The following TRAPPC9 variants were observed in gnomAD, a reference collection of about 807,000 sequenced individuals.
TRAPPC9 encodes trafficking protein particle complex subunit 9.
TRAPPC9 carries 83 observed loss-of-function variants against 124.0 expected under a neutral mutation model. The observed-to-expected ratio is 0.67, with a 90% CI of 0.56 to 0.80. The LOEUF (loss-of-function observed/expected upper bound fraction) is 0.80, where lower values mean the gene tolerates loss of function less well. TRAPPC9 is among the 30% of genes least tolerant of loss of function. The pLI, the probability that TRAPPC9 is intolerant of heterozygous loss-of-function variation, is 0.00. For synonymous variants in TRAPPC9, 638 were observed against 617.5 expected (o/e 1.03, Z -0.49); for missense variants, 1,302 against 1,508.3 (o/e 0.86, Z 2.27).
At chr8:140,335,331 G>A (rs983575994) in intron 9 of TRAPPC9, among the ~76,000 whole-genome samples, 15 of 152,136 alleles carry the variant, frequency 9.9e-5, no homozygotes, top group Admixed American at 5.9e-4. Context: ...TCATGACCAC[G>A]ATGGGAAGAG....
chr8:139,833,182 C>G (rs1391006336), intron 21 of TRAPPC9, among the ~76,000 whole-genome samples: 7 of 152,182 alleles, frequency 4.6e-5, no homozygotes, highest in Admixed American at 4.6e-4. Flanking sequence ...AGATTTTTCT[C>G]CATTCCCTGA....
chr8:140,094,282 C>T (rs1177017818), intron 17 of TRAPPC9, among the ~76,000 whole-genome samples: 2 of 152,220 alleles, frequency 1.3e-5, no homozygotes, highest in Non-Finnish European at 2.9e-5. Flanking sequence ...CCCAGGAGTA[C>T]AAAAGGGTGG....
intron 17 of TRAPPC9, among the ~76,000 whole-genome samples, chr8:140,090,616 T>C (rs1844503483): frequency 6.6e-6 from 1 of 152,190 alleles, no homozygotes; most frequent in Non-Finnish European, 1.5e-5. Flanking sequence ...TGCGTAGAGG[T>C]CCGGGCCAGG....
At chr8:140,453,696 T>C (rs1194172973) in intron 1 of TRAPPC9, among the ~76,000 whole-genome samples, 1 of 152,222 alleles carries the variant, frequency 6.6e-6, no homozygotes. Context: ...CTGACTCCAG[T>C]GCTCACGCTC....
At chr8:140,115,112 C>T (rs1053290748) in intron 17 of TRAPPC9, among the ~76,000 whole-genome samples, 5 of 152,224 alleles carry the variant, frequency 3.3e-5, no homozygotes, top group African/African-American at 1.2e-4. Flanking sequence ...GCTCCAGGAA[C>T]CCCACAGACA....
chr8:139,784,640 T>TATATATATATATATATATAC, intron 21 of TRAPPC9, among the ~76,000 whole-genome samples: 1 of 129,742 alleles, frequency 7.7e-6, no homozygotes, highest in South Asian at 2.5e-4. Context: ...TATATATATA[T>TATATATATATATATATATAC]ATATAAATCA....
At chr8:140,400,007 G>C (rs775814079) in intron 6 of TRAPPC9, among the ~76,000 whole-genome samples, 18 of 152,170 alleles carry the variant, frequency 1.2e-4, no homozygotes, top group Non-Finnish European at 2.2e-4. Flanking sequence ...TTTTTATCAG[G>C]AGCTTCCGCT....
At chr8:140,078,638 A>C (rs1179243430) in intron 17 of TRAPPC9, among the ~76,000 whole-genome samples, 1 of 152,162 alleles carries the variant, frequency 6.6e-6, no homozygotes, top group Non-Finnish European at 1.5e-5. Flanking sequence ...TGATAGAGGA[A>C]CTGCACCCAC....
intron 21 of TRAPPC9, among the ~76,000 whole-genome samples, chr8:139,755,044 G>A (rs1378612981): frequency 6.6e-6 from 1 of 152,254 alleles, no homozygotes; most frequent in Non-Finnish European, 1.5e-5. Context: ...CAACAGGACA[G>A]GGGTGATGAG....
chr8:140,369,123 G>C (rs576703562), intron 8 of TRAPPC9, among the ~76,000 whole-genome samples: 1 of 152,280 alleles, frequency 6.6e-6, no homozygotes, highest in Admixed American at 6.5e-5. Context: ...GAGAACATTT[G>C]CTGACCCCTG....
intron 10 of TRAPPC9, 47 bp downstream of exon 10, chr8:140,311,201 T>C: frequency 1.2e-6 from 2 of 1,602,622 alleles, no homozygotes; most frequent in South Asian, 2.2e-5. Context: ...TAGAGGACGG[T>C]GTCCCAGAGG....
chr8:139,833,820 G>A (rs1240899500), intron 21 of TRAPPC9, among the ~76,000 whole-genome samples: 1 of 152,238 alleles, frequency 6.6e-6, no homozygotes, highest in Non-Finnish European at 1.5e-5. Context: ...GGAGCAGGAG[G>A]GGCCGGGAAT....
At chr8:140,101,336 A>G (rs1487674232) in intron 17 of TRAPPC9, among the ~76,000 whole-genome samples, 2 of 151,874 alleles carry the variant, frequency 1.3e-5, no homozygotes, top group East Asian at 1.9e-4. Context: ...GGATTTCACT[A>G]TGTTGGCCAG....
chr8:140,032,617 C>T (rs1269058935), intron 17 of TRAPPC9, among the ~76,000 whole-genome samples: 1 of 152,156 alleles, frequency 6.6e-6, no homozygotes, highest in Non-Finnish European at 1.5e-5. Flanking sequence ...TATGCTACAG[C>T]TTACTTAAAC....
chr8:140,283,980 G>A lies in TRAPPC9; in HGVS notation c.2023C>T (p.Leu675=). 1 of 1,614,166 alleles carries A rather than the reference G, an allele frequency of 6.2e-7. No individual in the cohort carries two copies. Among genetic ancestry groups the A allele is most frequent in the African/African-American group, 1.3e-5 (1 of 75,032 alleles). Residue 675 remains leucine (L), a synonymous_variant, in exon 14 of 23, where the codon CTG becomes TTG. Coordinates refer to ENST00000438773, the MANE Select transcript of TRAPPC9 (RefSeq NM_001160372.4). ...TVFGVFSDCL[L]DNLPGIKTSG... Reference sequence around the variant, plus strand: ...GTTTTTATTCCCGGCAGGTTATCCAGCAAACAGTCACTGAACACACCGAAG... The same window carrying A: ...GTTTTTATTCCCGGCAGGTTATCCAACAAACAGTCACTGAACACACCGAAG...
intron 17 of TRAPPC9, among the ~76,000 whole-genome samples, chr8:140,033,657 G>GTTTTTTTTTTTTTTTTTTTTTTT (rs1491525674): frequency 2.0e-5 from 1 of 49,264 alleles, no homozygotes; most frequent in African/African-American, 4.2e-5. Flanking sequence ...TTCATAATGT[G>GTTTTTTTTTTTTTTTTTTTTTTT]GTTTTTTTTT....
chr8:140,286,394 T>C lies in TRAPPC9; in HGVS notation c.1981+1214A>G, dbSNP rs532228815. Among the ~76,000 whole-genome samples, 5 of 152,114 alleles carry C rather than the reference T, an allele frequency of 3.3e-5. No homozygotes were observed. In the South Asian group the frequency reaches 6.2e-4, roughly 19 times the overall value. On this transcript the variant is annotated intron_variant, in intron 13 of 22. Transcript: ENST00000438773. ...AGAGATGTCAGGGGCATATTCACAC[T>C]AGGAAGATCGCCGGGCCACAGATGG...
intron 17 of TRAPPC9, among the ~76,000 whole-genome samples, chr8:140,115,433 A>AT (rs2060861425): frequency 6.6e-6 from 1 of 151,724 alleles, no homozygotes; most frequent in Non-Finnish European, 1.5e-5. Flanking sequence ...CACCTGGCGA[A>AT]TTTTTTTGTA....
chr8:139,904,165 C>A (rs1831195760), intron 20 of TRAPPC9, among the ~76,000 whole-genome samples: 2 of 152,260 alleles, frequency 1.3e-5, no homozygotes, highest in Non-Finnish European at 2.9e-5. Flanking sequence ...CATGGTAGAG[C>A]CTCAATAAAC....
Sources: gnomAD v4.1 joint callset for allele counts (sites outside exome capture counted in the v4.1 genomes callset) on GRCh38, gnomAD v4.1.1 for gene constraint, MANE v1.5 for transcripts, NCBI Gene and HGNC (gene_info 2026-07-23, HGNC 2026-07-21) for gene names.